The following KCNT2 variants were observed in gnomAD, a reference collection of about 807,000 sequenced individuals.
KCNT2 encodes the protein potassium sodium-activated channel subfamily T member 2, also known as potassium channel subfamily T member 2.
Under a neutral mutation model 153.8 loss-of-function variants are expected in KCNT2, and 67 were observed. The observed-to-expected ratio is 0.44, with a 90% confidence interval of 0.36 to 0.53. The LOEUF (loss-of-function observed/expected upper bound fraction) is 0.53, where lower values mean the gene tolerates loss of function less well. Among genes scored for constraint, KCNT2 ranks in the 20% least tolerant of loss-of-function variants. KCNT2 has a pLI of 0.00. For missense variants in KCNT2, 975 were observed against 1,354.8 expected (o/e 0.72, Z 4.40); for synonymous variants, 500 against 458.8 (o/e 1.09, Z -1.15).
intron 1 of KCNT2, among the ~76,000 whole-genome samples, chr1:196,607,233 T>C (rs939566206): frequency 1.3e-5 from 2 of 152,198 alleles, no homozygotes; most frequent in African/African-American, 4.8e-5. Flanking sequence ...AAATAGCACA[T>C]CAATACTAAA....
At chr1:196,295,136 A>G (rs536485335) in intron 22 of KCNT2, among the ~76,000 whole-genome samples, 150 of 151,540 alleles carry the variant, frequency 9.9e-4, no homozygotes, top group Non-Finnish European at 1.9e-3. Context: ...AAATATATAT[A>G]TGTGTATATA....
chr1:196,419,325 CCT>C lies in KCNT2; in HGVS notation c.1185+3723_1185+3724del, dbSNP rs1449517241. 3.0e-3 allele frequency among the ~76,000 whole-genome samples: 279 copies of C among 92,242 alleles called. 1 individual carries two copies. The highest frequency in any genetic ancestry group is 0.011 in the African/African-American group (252 of 23,042). 60.5% of individuals were successfully genotyped at this position (92,242 alleles called of 152,430 possible). ...ATATCTCCTAATGCTATCCCTCCCC[CCT>C]CCCCCCTCCCCCCACCCCACAACAG... On this transcript the variant is annotated intron_variant, in intron 12 of 27. Coordinates refer to ENST00000294725, the MANE Select transcript of KCNT2 (RefSeq NM_198503.5).
chr1:196,481,590 C>T (rs1243889722), intron 4 of KCNT2, among the ~76,000 whole-genome samples: 1 of 152,140 alleles, frequency 6.6e-6, no homozygotes, highest in African/African-American at 2.4e-5. Context: ...TGATTCTATT[C>T]TTCCGATTAA....
chr1:196,418,208 G>A (rs896543107), intron 12 of KCNT2, among the ~76,000 whole-genome samples: 3 of 152,002 alleles, frequency 2.0e-5, no homozygotes, highest in African/African-American at 7.2e-5. Flanking sequence ...GGGCACGGTG[G>A]CTCACACCTG....
intron 1 of KCNT2, among the ~76,000 whole-genome samples, chr1:196,531,358 T>G (rs2148848962): frequency 6.6e-6 from 1 of 152,182 alleles, no homozygotes; most frequent in South Asian, 2.1e-4. Context: ...GAAGACGAAC[T>G]TTGTAGCCAC....
intron 1 of KCNT2, among the ~76,000 whole-genome samples, chr1:196,496,692 A>T (rs993791217): frequency 7.2e-5 from 11 of 152,224 alleles, no homozygotes; most frequent in African/African-American, 2.7e-4. Flanking sequence ...GTTCCAGTTC[A>T]GGGTGGTAGG....
chr1:196,295,568 G>GTGAAAT (rs1553274505), intron 22 of KCNT2, among the ~76,000 whole-genome samples: 2 of 151,854 alleles, frequency 1.3e-5, no homozygotes, highest in African/African-American at 4.8e-5. Context: ...TCCCCATTGG[G>GTGAAAT]TGAAATTTTT....
At chr1:196,324,167 A>G (rs1261168203) in intron 19 of KCNT2, among the ~76,000 whole-genome samples, 1 of 151,998 alleles carries the variant, frequency 6.6e-6, no homozygotes, top group East Asian at 1.9e-4. Flanking sequence ...AAACCCTACA[A>G]GAATTATTTA....
chr1:196,370,387 T>C (rs545613727), intron 14 of KCNT2, among the ~76,000 whole-genome samples: 1 of 152,156 alleles, frequency 6.6e-6, no homozygotes, highest in East Asian at 1.9e-4. Context: ...AATTTATTTA[T>C]GACTGACAGA....
chr1:196,422,173 T>C (rs891171884), intron 12 of KCNT2, among the ~76,000 whole-genome samples: 2 of 151,944 alleles, frequency 1.3e-5, no homozygotes, highest in Non-Finnish European at 2.9e-5. Context: ...TTAGGTAAAT[T>C]AGAGTGAGGA....
intron 13 of KCNT2, among the ~76,000 whole-genome samples, chr1:196,380,382 C>G (rs1017626786): frequency 3.9e-5 from 6 of 152,240 alleles, no homozygotes; most frequent in Admixed American, 3.3e-4. Flanking sequence ...TCTTCAAGTC[C>G]CTTTTACTTT....
At chr1:196,435,139 G>GTATA (rs1166021273) in intron 8 of KCNT2, among the ~76,000 whole-genome samples, 1,322 of 45,410 alleles carry the variant, frequency 0.029, 38 homozygotes, top group South Asian at 0.045. Flanking sequence ...GTGTGTGTAT[G>GTATA]TATATATATA....
Position 196,280,847 on chromosome 1 carries a change from G to A in KCNT2, c.2910+13C>T. On this transcript the variant is annotated intron_variant, in intron 25 of 27. Transcript: ENST00000294725. ...TTAAACATCAAAACAAGAATATTTT[G>A]TTATTTCCAAACCTCAGATGTAGTA... 3.7e-6 allele frequency: 6 copies of A among 1,607,992 alleles called. No individual in the cohort carries two copies. Among genetic ancestry groups the A allele is most frequent in the Non-Finnish European group, 5.1e-6 (6 of 1,175,028 alleles).
chr1:196,385,416 C>T (rs1187085820), intron 13 of KCNT2, among the ~76,000 whole-genome samples: 4 of 152,092 alleles, frequency 2.6e-5, no homozygotes, highest in Non-Finnish European at 5.9e-5. Context: ...TTACACTCTA[C>T]GGAACCACCA....
chr1:196,549,125 G>T (rs934648832), intron 1 of KCNT2, among the ~76,000 whole-genome samples: 1 of 151,972 alleles, frequency 6.6e-6, no homozygotes, highest in African/African-American at 2.4e-5. Flanking sequence ...TGCACATTGT[G>T]CACATGTACC....
intron 1 of KCNT2, among the ~76,000 whole-genome samples, chr1:196,602,515 C>T (rs1664834736): frequency 6.6e-6 from 1 of 152,086 alleles, no homozygotes; most frequent in Non-Finnish European, 1.5e-5. Flanking sequence ...AGAAGTACTA[C>T]TAATACATAA....
intron 13 of KCNT2, among the ~76,000 whole-genome samples, chr1:196,392,419 G>C (rs1670570696): frequency 6.6e-6 from 1 of 151,250 alleles, no homozygotes; most frequent in Non-Finnish European, 1.5e-5. Context: ...TTTATATTTT[G>C]AAAATATAAC....
intron 8 of KCNT2, among the ~76,000 whole-genome samples, chr1:196,460,308 C>T (rs938866485): frequency 1.3e-5 from 2 of 151,646 alleles, no homozygotes; most frequent in Admixed American, 1.3e-4. Flanking sequence ...CTGTAAAAGT[C>T]CTTCTTATGA....
At chr1:196,408,270 T>G (rs1671999248) in intron 12 of KCNT2, among the ~76,000 whole-genome samples, 1 of 151,530 alleles carries the variant, frequency 6.6e-6, no homozygotes, top group Non-Finnish European at 1.5e-5. Context: ...AACCTTCCAC[T>G]CCTGCATAAG....
Sources: gnomAD v4.1 joint callset for allele counts (sites outside exome capture counted in the v4.1 genomes callset) on GRCh38, gnomAD v4.1.1 for gene constraint, MANE v1.5 for transcripts, NCBI Gene and HGNC (gene_info 2026-07-23, HGNC 2026-07-21) for gene names.